PDIA2: variants seen among roughly 807,000 people sequenced by gnomAD.
PDIA2 encodes protein disulfide isomerase family A member 2, also known as protein disulfide-isomerase A2.
Under a neutral mutation model 51.1 loss-of-function variants are expected in PDIA2, and 76 were observed. The observed-to-expected ratio is 1.49, with a 90% CI of 1.24 to 1.80. The LOEUF is 1.80. Among genes scored for constraint, PDIA2 ranks in the 40% most tolerant of loss-of-function variants. PDIA2 has a pLI of 0.00. For missense variants in PDIA2, 946 were observed against 706.5 expected (o/e 1.34, Z -3.84); for synonymous variants, 429 against 309.9 (o/e 1.38, Z -4.04).
rs541312273 is a variant in PDIA2 at position 285,115 on chromosome 16, A to C, written c.710A>C (p.Asp237Ala). ...FDEGRADFPV[D>A]EELGLDLGDL... The stretch of plus-strand genomic sequence containing the variant: ...GAGGGGCGGGCAGACTTCCCCGTGG[A>C]CGAGGAGCTTGGCCTGGACCTGGGG... The change falls in exon 5 of 11, where the codon GAC becomes GCC. Residue 237 changes from aspartate (D) to alanine (A), a missense_variant. Physicochemically the swap from Asp to Ala is moderately radical, Grantham distance 126. Coordinates refer to ENST00000219406, the MANE Select transcript of PDIA2 (RefSeq NM_006849.4). The C allele has an allele frequency of 1.2e-5, 19 of 1,612,970 alleles. No individual in the cohort carries two copies. The African/African-American group carries it at 2.3e-4, about 19-fold the overall frequency.
In PDIA2 at chr16:285,535, C is replaced by T. The variant is rs201481291; in HGVS notation, c.951C>T (p.Ala317=). 6.4e-5 allele frequency: 103 copies of T among 1,612,918 alleles called. No individual in the cohort carries two copies. The highest frequency in any genetic ancestry group is 3.1e-4 in the East Asian group (14 of 44,882). ...QVLFVVVDVA[A]DNEHVLQYFG... is the part of the protein sequence containing the mutation. ...TGTTCGTGGTGGTGGACGTGGCGGC[C>T]GACAATGAGCACGTGCTGCAGTACT... The change falls in exon 7 of 11, where the codon GCC becomes GCT. Residue 317 remains alanine, a synonymous_variant. Coordinates refer to ENST00000219406, the MANE Select transcript of PDIA2 (RefSeq NM_006849.4).
intron 1 of PDIA2, 155 bp from the exon 2 acceptor site, chr16:284,232 G>T: frequency 1.4e-6 from 1 of 733,440 alleles, no homozygotes; most frequent in Non-Finnish European, 2.3e-6. Flanking sequence ...GCTGCAGCCT[G>T]GGGGGCCACG....
In PDIA2 at chr16:286,608, C is replaced by T. The variant is rs2052384464; in HGVS notation, c.1295C>T (p.Ala432Val). Residue 432 changes from alanine (A) to valine (V), a missense_variant, in exon 9 of 11, where the codon GCT becomes GTT. Transcript: ENST00000219406. ...ATGGCCCCTGCCTGGGAGGCATTGG[C>T]TGAGAAGTACCAAGACCACGAGGAC... is the stretch of plus-strand genomic sequence containing the variant. ...KEMAPAWEAL[A>V]EKYQDHEDII... 11 of 1,612,868 alleles carry T rather than the reference C, an allele frequency of 6.8e-6. No individual in the cohort carries two copies. The highest frequency in any genetic ancestry group is 2.2e-5 in the East Asian group (1 of 44,838).
rs201195047 is a variant in PDIA2 at position 285,311 on chromosome 16, G to A, written c.796-1G>A. 1.7e-4 allele frequency: 270 copies of A among 1,612,770 alleles called. No individual in the cohort carries two copies. Among genetic ancestry groups the A allele is most frequent in the Middle Eastern group, 3.3e-4 (2 of 6,082 alleles). ...AGTCATGAGCACCCTCCCTACTGTA[G>A]ACGTCTGCCAAGATCTTCGCGGCCA... On this transcript the variant is annotated splice_acceptor_variant, in intron 5 of 10. Transcript: ENST00000219406. LOFTEE classifies it high-confidence loss of function.
intron 1 of PDIA2, 55 bp downstream of exon 1, chr16:283,423 C>A: frequency 1.3e-6 from 2 of 1,503,662 alleles, no homozygotes; most frequent in African/African-American, 1.4e-5. Context: ...CAGAGCCCAC[C>A]TGGGGGCCCC....
intron 7 of PDIA2, 127 bp downstream of exon 7, chr16:285,830 C>G: frequency 1.9e-6 from 2 of 1,075,166 alleles, no homozygotes; most frequent in Non-Finnish European, 2.6e-6. Flanking sequence ...CCCCTCAACC[C>G]GGCAATTCTC....
Position 287,145 on chromosome 16 carries a change from G to A in PDIA2, c.*32G>A. The A allele has an allele frequency of 6.2e-7, 1 of 1,611,908 alleles. No homozygotes were observed. On this transcript the variant is annotated 3_prime_UTR_variant, in exon 11 of 11. Transcript: ENST00000219406. ...CCGTGTCACCCCCGCCATCACTGCT[G>A]GACAGGAGCCACCCCCTTGGGTACC...
chr16:283,983 G>C (rs1270961523), intron 1 of PDIA2, among the ~76,000 whole-genome samples: 2 of 152,228 alleles, frequency 1.3e-5, no homozygotes, highest in African/African-American at 4.8e-5. Context: ...TCCTGCCTCA[G>C]CCTCCCGAGT....
Position 284,787 on chromosome 16 carries a change from T to G in PDIA2, c.535T>G (p.Phe179Val). Reference sequence around the variant, plus strand: ...CCGGGACCTAGTGGTCATTGGCTTCTTCCAGGTGAGCCACTGGGCATGGGG... The same window carrying G: ...CCGGGACCTAGTGGTCATTGGCTTCGTCCAGGTGAGCCACTGGGCATGGGG... Reference protein sequence around the residue: ...GGRDLVVIGFFQDLQDEDVAT... With the variant: ...GGRDLVVIGFVQDLQDEDVAT... The change falls in exon 3 of 11, where the codon TTC (phenylalanine) becomes GTC (valine). Residue 179 changes from phenylalanine (F) to valine (V), a missense_variant. Physicochemically the swap from Phe to Val is conservative, Grantham distance 50. Transcript: ENST00000219406. 1 of 1,573,328 alleles carries G rather than the reference T, an allele frequency of 6.4e-7. No individual in the cohort carries two copies.
In PDIA2 at chr16:283,323, C is replaced by G; in HGVS notation, c.154C>G (p.Leu52Val). 6.2e-7 allele frequency: 1 copy of G among 1,609,738 alleles called. No homozygotes were observed. Among genetic ancestry groups the G allele is most frequent in the Non-Finnish European group, 8.5e-7 (1 of 1,178,540 alleles). ...DGILVLSRHT[L>V]GLALREHPAL... is the part of the protein sequence containing the mutation. Reference sequence around the variant, plus strand: ...GATCTTGGTGCTGAGCCGCCACACCCTGGGCCTGGCCCTGCGGGAGCACCC... The same window carrying G: ...GATCTTGGTGCTGAGCCGCCACACCGTGGGCCTGGCCCTGCGGGAGCACCC... The change falls in exon 1 of 11, where the codon CTG becomes GTG. Residue 52 changes from leucine to valine, a missense_variant. Physicochemically the swap from Leu to Val is conservative, Grantham distance 32. Transcript: ENST00000219406.
Position 284,594 on chromosome 16 carries a change from G to A in PDIA2, c.406+1G>A, listed in dbSNP as rs776019709. On this transcript the variant is annotated splice_donor_variant, in intron 2 of 10. Coordinates refer to ENST00000219406, the MANE Select transcript of PDIA2 (RefSeq NM_006849.4). LOFTEE classifies it high-confidence loss of function. ...CGCACGCACCCGGAGGAGTACACAG[G>A]TGAGGGGCAGGCCGGTCATTGGGGG... is the stretch of plus-strand genomic sequence containing the variant. 15 of 1,610,642 alleles carry A rather than the reference G, an allele frequency of 9.3e-6. No individual in the cohort carries two copies. The highest frequency in any genetic ancestry group is 1.7e-5 in the Admixed American group (1 of 59,850).
chr16:286,110 C>T (rs1264844748), intron 7 of PDIA2, among the ~76,000 whole-genome samples: 1 of 116,516 alleles, frequency 8.6e-6, no homozygotes, highest in Non-Finnish European at 1.8e-5. Flanking sequence ...TCTCCCTCCC[C>T]CCACTAAACC....
At chr16:283,812 A>AGCC (rs2052317543) in intron 1 of PDIA2, among the ~76,000 whole-genome samples, 1 of 151,030 alleles carries the variant, frequency 6.6e-6, no homozygotes, top group African/African-American at 2.4e-5. Context: ...CTTCACAGGC[A>AGCC]GCCACATGGG....
chr16:284,629 C>T (rs1229150761), intron 2 of PDIA2, 30 bp from the exon 3 acceptor site: 4 of 1,604,496 alleles, frequency 2.5e-6, no homozygotes, highest in African/African-American at 1.3e-5. Flanking sequence ...GGGCGGTGGC[C>T]AGGCCGAGGC....
chr16:284,623 G>A (rs757488927), intron 2 of PDIA2, 30 bp downstream of exon 2: 28 of 1,606,224 alleles, frequency 1.7e-5, no homozygotes, highest in East Asian at 2.2e-5. Flanking sequence ...TTGGGGGGGC[G>A]GTGGCCAGGC....
At position 283,177 on chromosome 16, in the gene PDIA2, G is replaced by T. The variant is rs200211074; in HGVS notation, c.8G>T (p.Arg3Leu). ...ACGCGCCCTGGCAGCACCATGAGCC[G>T]CCAGCTTCTGCCTGTACTGCTGCTG... is the stretch of plus-strand genomic sequence containing the variant. MS[R>L]QLLPVLLLLL... is the part of the protein sequence containing the mutation. Residue 3 changes from arginine (R) to leucine (L), a missense_variant, in exon 1 of 11, where the codon CGC becomes CTC. Transcript: ENST00000219406. 2 of 1,534,922 alleles carry T rather than the reference G, an allele frequency of 1.3e-6. No homozygotes were observed. Among genetic ancestry groups the T allele is most frequent in the East Asian group, 2.3e-5 (1 of 42,858 alleles).
rs372835448 is a variant in PDIA2 at position 285,150 on chromosome 16, C to G, written c.745C>G (p.Arg249Gly). 1 of 1,613,076 alleles carries G rather than the reference C, an allele frequency of 6.2e-7. No individual in the cohort carries two copies. Among genetic ancestry groups the G allele is most frequent in the Non-Finnish European group, 8.5e-7 (1 of 1,179,988 alleles). Residue 249 changes from arginine (R) to glycine (G), a missense_variant, in exon 5 of 11, where the codon CGC becomes GGC. Coordinates refer to ENST00000219406, the MANE Select transcript of PDIA2 (RefSeq NM_006849.4). ...ELGLDLGDLS[R>G]FLVTHSMRLV... Reference sequence around the variant, plus strand: ...TGGCCTGGACCTGGGGGATCTGTCGCGCTTCCTGGTCACACACAGCATGCG... The same window carrying G: ...TGGCCTGGACCTGGGGGATCTGTCGGGCTTCCTGGTCACACACAGCATGCG...
rs1489385925 is a variant in PDIA2, at chr16:283,469, A to G, written c.199+101A>G. The G allele has an allele frequency of 6.3e-6, 8 of 1,276,826 alleles. No individual in the cohort carries two copies. In the East Asian group the frequency reaches 1.0e-4, roughly 17 times the overall value. The allele number at this position is 1,276,826 out of a possible 1,614,324, so 79.1% of individuals were successfully genotyped here. A position where few individuals can be genotyped will look rare whatever the true frequency, so the allele number is the denominator to read the frequency against. ...GGCAAATGCAGGGCATGTGCCCAAGAGGGGCCTCCCCGCAGGCACTTGCCC... is the reference window on the plus strand; with the variant it reads ...GGCAAATGCAGGGCATGTGCCCAAGGGGGGCCTCCCCGCAGGCACTTGCCC... On this transcript the variant is annotated intron_variant, in intron 1 of 10. Coordinates refer to ENST00000219406, the MANE Select transcript of PDIA2 (RefSeq NM_006849.4).
chr16:285,615 C>G lies in PDIA2; in HGVS notation c.1031C>G (p.Thr344Ser). The G allele has an allele frequency of 1.2e-6, 2 of 1,613,400 alleles. No homozygotes were observed. The highest frequency in any genetic ancestry group is 1.7e-6 in the Non-Finnish European group (2 of 1,179,964). Reference sequence around the variant, plus strand: ...CTGCGCTTGGTCAACCTTGAAACCACTAAGAAGTATGCGCCTGTGGATGGG... The same window carrying G: ...CTGCGCTTGGTCAACCTTGAAACCAGTAAGAAGTATGCGCCTGTGGATGGG... Reference protein sequence around the residue: ...PTLRLVNLETTKKYAPVDGGP... With the variant: ...PTLRLVNLETSKKYAPVDGGP... Residue 344 changes from threonine (T) to serine (S), a missense_variant, in exon 7 of 11, where the codon ACT (threonine) becomes AGT (serine). Transcript: ENST00000219406.
Sources: gnomAD v4.1 joint callset for allele counts (sites outside exome capture counted in the v4.1 genomes callset) on GRCh38, gnomAD v4.1.1 for gene constraint, MANE v1.5 for transcripts, NCBI Gene and HGNC (gene_info 2026-07-23, HGNC 2026-07-21) for gene names.